The following LAMA2 variants were observed in gnomAD, a reference collection of about 807,000 sequenced individuals.
The protein encoded by LAMA2 is laminin subunit alpha-2.
Under a neutral mutation model 364.8 loss-of-function variants are expected in LAMA2, and 269 were observed. The ratio of observed to expected loss-of-function variants is 0.74; its 90% CI spans 0.67 to 0.82. LAMA2 has a LOEUF of 0.82. Ranked by LOEUF, LAMA2 falls within the 40% of genes least tolerant of loss-of-function variation. LAMA2 has a pLI of 0.00. For missense variants in LAMA2, 3,807 were observed against 3,873.2 expected, an observed-to-expected ratio of 0.98 and a Z score of 0.45; for synonymous variants, 1,379 against 1,370.6, an observed-to-expected ratio of 1.01 and a Z score of -0.14.
At chr6:129,485,857 A>G (rs1163066850) in intron 55 of LAMA2, among the ~76,000 whole-genome samples, 1 of 152,232 alleles carries the variant, frequency 6.6e-6, no homozygotes, top group Non-Finnish European at 1.5e-5. Flanking sequence ...AGCACGTGGC[A>G]TCAGCTCTAG....
intron 3 of LAMA2, among the ~76,000 whole-genome samples, chr6:129,086,107 G>A (rs371961862): frequency 1.4e-4 from 21 of 152,158 alleles, no homozygotes; most frequent in African/African-American, 2.9e-4. Context: ...AACTGTTGGC[G>A]GAATGCTCTC....
intron 1 of LAMA2, among the ~76,000 whole-genome samples, chr6:128,998,640 C>T (rs563661766): frequency 1.4e-5 from 1 of 71,726 alleles, no homozygotes; most frequent in African/African-American, 9.9e-5. Context: ...GGGTGACGGA[C>T]GCACCTGGAA....
intron 2 of LAMA2, among the ~76,000 whole-genome samples, chr6:129,056,978 C>T (rs1788534608): frequency 6.6e-6 from 1 of 151,910 alleles, no homozygotes; most frequent in South Asian, 2.1e-4. Context: ...GGTGATCTGC[C>T]CACCTCAGCC....
intron 20 of LAMA2, among the ~76,000 whole-genome samples, chr6:129,295,115 A>G (rs1206753719): frequency 6.6e-6 from 1 of 152,158 alleles, no homozygotes; most frequent in Non-Finnish European, 1.5e-5. Context: ...CTGATCTGGA[A>G]TCTTGACTCC....
intron 61 of LAMA2, 35 bp downstream of exon 61, chr6:129,505,390 T>A: frequency 1.3e-6 from 2 of 1,535,452 alleles, no homozygotes; most frequent in Non-Finnish European, 1.8e-6. Context: ...TACTTAAATA[T>A]ATGGCTGATT....
Position 129,044,570 on chromosome 6 carries a change from TAC to T in LAMA2, c.113-5345_113-5344del, listed in dbSNP as rs1296425809. Among the ~76,000 whole-genome samples the T allele has an allele frequency of 2.6e-5, 4 of 151,296 alleles. No homozygotes were observed. In the South Asian group the frequency reaches 8.3e-4, roughly 32 times the overall value. On this transcript the variant is annotated intron_variant, in intron 1 of 64. Coordinates refer to ENST00000421865, the MANE Select transcript of LAMA2 (RefSeq NM_000426.4). ...TATCCTATTACCATATATATATATA[TAC>T]ACTATAGAACAGAATATATTATTCT...
intron 51 of LAMA2, among the ~76,000 whole-genome samples, chr6:129,470,133 G>A (rs987206677): frequency 3.3e-5 from 5 of 151,762 alleles, no homozygotes; most frequent in African/African-American, 1.2e-4. Flanking sequence ...GATATTAGAG[G>A]TATTTAGGAG....
At chr6:129,389,392 G>A (rs1779196279) in intron 35 of LAMA2, among the ~76,000 whole-genome samples, 1 of 152,276 alleles carries the variant, frequency 6.6e-6, no homozygotes, top group Non-Finnish European at 1.5e-5. Flanking sequence ...GGCTGGTTTG[G>A]TGCCTGGTAA....
At chr6:129,190,384 A>T (rs1781462389) in intron 11 of LAMA2, 39 bp downstream of exon 11, 1 of 1,606,474 alleles carries the variant, frequency 6.2e-7, no homozygotes, top group African/African-American at 1.3e-5. Context: ...CTGCCCCAGC[A>T]GCCTTCTTTG....
chr6:129,232,107 A>G (rs184432786), intron 12 of LAMA2, among the ~76,000 whole-genome samples: 264 of 152,252 alleles, frequency 1.7e-3, no homozygotes, highest in Non-Finnish European at 2.7e-3. Flanking sequence ...GTCTATTTAA[A>G]GAAGACATTT....
At position 129,491,999 on chromosome 6, in the gene LAMA2, C is replaced by T; in HGVS notation, c.7997C>T (p.Pro2666Leu). The T allele has an allele frequency of 6.2e-7, 1 of 1,614,028 alleles. No homozygotes were observed. The highest frequency in any genetic ancestry group is 8.5e-7 in the Non-Finnish European group (1 of 1,179,914). Residue 2666 changes from proline to leucine, a missense_variant, in exon 57 of 65, where the codon CCA (proline) becomes CTA (leucine). Coordinates refer to ENST00000421865, the MANE Select transcript of LAMA2 (RefSeq NM_000426.4). The part of the protein sequence containing the change: ...EVKKLFVGGA[P>L]PEFQPSPLRN... Reference sequence around the variant, plus strand: ...AAAAAGCTTTTCGTTGGGGGTGCTCCACCTGAATTTCAACCTTCCCCACTC... The same window carrying T: ...AAAAAGCTTTTCGTTGGGGGTGCTCTACCTGAATTTCAACCTTCCCCACTC...
chr6:129,410,431 TTCTCTC>T (rs1374099728), intron 40 of LAMA2, among the ~76,000 whole-genome samples: 1 of 152,208 alleles, frequency 6.6e-6, no homozygotes. Flanking sequence ...TTGTAAAACT[TTCTCTC>T]TGTCTCTGTC....
At chr6:129,316,770 C>T (rs1490392) in intron 27 of LAMA2, among the ~76,000 whole-genome samples, 70,092 of 151,938 alleles carry the variant, frequency 0.46, 16,401 homozygotes, top group Middle Eastern at 0.53. Flanking sequence ...AATTGGCCAA[C>T]TGAAATGAGG....
chr6:129,432,508 T>G (rs1465180217), intron 41 of LAMA2, among the ~76,000 whole-genome samples: 1 of 152,192 alleles, frequency 6.6e-6, no homozygotes, highest in Non-Finnish European at 1.5e-5. Context: ...TAAAAACTTA[T>G]CTGGGCTTTG....
rs185480270 is a variant in LAMA2, at chr6:128,945,495, G to T, written c.112+62138G>T. ...CATAAAATCCAGGTACCAATAACTA[G>T]GGATAAGTGTTTTACCAAGAGCAGT... On this transcript the variant is annotated intron_variant, in intron 1 of 64. Transcript: ENST00000421865. 2.0e-5 allele frequency among the ~76,000 whole-genome samples: 3 copies of T among 152,276 alleles called. No homozygotes were observed. The East Asian group carries it at 5.8e-4, about 29-fold the overall frequency.
intron 3 of LAMA2, among the ~76,000 whole-genome samples, chr6:129,074,794 G>A (rs1773526808): frequency 6.6e-6 from 1 of 152,048 alleles, no homozygotes; most frequent in Non-Finnish European, 1.5e-5. Flanking sequence ...TGTAAAATTG[G>A]GATCGTGTGG....
At chr6:129,103,129 C>T (rs1046944129) in intron 4 of LAMA2, among the ~76,000 whole-genome samples, 2 of 152,164 alleles carry the variant, frequency 1.3e-5, no homozygotes, top group Non-Finnish European at 2.9e-5. Flanking sequence ...CTCTTTTGTC[C>T]TTGATGTTGA....
intron 37 of LAMA2, among the ~76,000 whole-genome samples, chr6:129,395,311 A>G (rs1779551048): frequency 6.6e-6 from 1 of 152,136 alleles, no homozygotes; most frequent in Non-Finnish European, 1.5e-5. Flanking sequence ...CAACTCAAAA[A>G]CTTTTTATTT....
intron 12 of LAMA2, among the ~76,000 whole-genome samples, chr6:129,224,531 A>T (rs1177655856): frequency 1.1e-4 from 16 of 152,122 alleles, no homozygotes; most frequent in Admixed American, 1.0e-3. Context: ...TCAATACCTA[A>T]TTTATTGAGA....
Sources: gnomAD v4.1 joint callset for allele counts (sites outside exome capture counted in the v4.1 genomes callset) on GRCh38, gnomAD v4.1.1 for gene constraint, MANE v1.5 for transcripts, NCBI Gene and HGNC (gene_info 2026-07-23, HGNC 2026-07-21) for gene names.